PLOD1: variants seen among roughly 807,000 people sequenced by gnomAD.
The protein encoded by PLOD1 is lysine hydroxylase.
Under a neutral mutation model 94.7 loss-of-function variants are expected in PLOD1, and 70 were observed. The ratio of observed to expected loss-of-function variants is 0.74; its 90% CI spans 0.61 to 0.90. The LOEUF is 0.90. Among genes scored for constraint, PLOD1 ranks in the 40% least tolerant of loss-of-function variants. The probability of loss-of-function intolerance (pLI) is 0.00; values close to 1 mark genes in which losing one functional copy is unlikely to be tolerated. For synonymous variants in PLOD1, 417 were observed against 400.2 expected (o/e 1.04, Z -0.50); for missense variants, 905 against 972.7 (o/e 0.93, Z 0.93).
chr1:11,959,992 C>T (rs1457684441), intron 9 of PLOD1, among the ~76,000 whole-genome samples: 8 of 145,070 alleles, frequency 5.5e-5, no homozygotes, highest in African/African-American at 1.3e-4. Context: ...TGCAATGGTG[C>T]GATCTTGGCT....
At chr1:11,954,999 ATT>A in intron 6 of PLOD1, 106 bp downstream of exon 6, 1 of 894,490 alleles carries the variant, frequency 1.1e-6, no homozygotes, top group Non-Finnish European at 1.8e-6. Flanking sequence ...CTTTCTGGCC[ATT>A]GTGCTGAGAG....
chr1:11,965,712 C>T, intron 14 of PLOD1, 119 bp downstream of exon 14: 3 of 670,940 alleles, frequency 4.5e-6, no homozygotes, highest in Non-Finnish European at 8.1e-6. Flanking sequence ...CACCTGCCAC[C>T]CTCCCTTCAC....
intron 4 of PLOD1, among the ~76,000 whole-genome samples, chr1:11,950,934 C>T (rs1645696446): frequency 6.6e-6 from 1 of 152,152 alleles, no homozygotes; most frequent in Non-Finnish European, 1.5e-5. Context: ...ACTGGGATTA[C>T]AGGCATGCAC....
rs1224618142 is a variant in PLOD1, at chr1:11,974,172, G to A, written c.2029-481G>A. Among the ~76,000 whole-genome samples the A allele has an allele frequency of 2.0e-5, 3 of 151,788 alleles. No homozygotes were observed. In the East Asian group the frequency reaches 5.8e-4, roughly 29 times the overall value. ...CTGCCCAGGGCTGCCTGACTCCAAG[G>A]ACAGAGCTCTTGATCACTTACTCTT... On this transcript the variant is annotated intron_variant, in intron 18 of 18. Coordinates refer to ENST00000196061, the MANE Select transcript of PLOD1 (RefSeq NM_000302.4).
Position 11,957,233 on chromosome 1 carries a change from C to G in PLOD1, c.741+219C>G. The G allele has an allele frequency of 1.4e-6, 1 of 736,494 alleles. No individual in the cohort carries two copies. The highest frequency in any genetic ancestry group is 2.6e-6 in the Non-Finnish European group (1 of 391,886). 45.6% of individuals were successfully genotyped at this position (736,494 alleles called of 1,614,324 possible). On this transcript the variant is annotated intron_variant, in intron 7 of 18. Transcript: ENST00000196061. This position sits in a 1 kb window ranked among gnomAD's most constrained non-coding sequence, Gnocchi z 4.1. ...GTCTGTTCTTGCTGGTCACAGGACA[C>G]GTAGGAGGCTGCCATCCCCTTCCAG...
At chr1:11,951,607 TTA>T (rs1210997989) in intron 4 of PLOD1, among the ~76,000 whole-genome samples, 7 of 145,988 alleles carry the variant, frequency 4.8e-5, no homozygotes, top group African/African-American at 7.5e-5. Flanking sequence ...ATTATATATA[TTA>T]TATATAATAA....
chr1:11,936,517 A>G (rs2100731141), intron 1 of PLOD1, among the ~76,000 whole-genome samples: 1 of 151,260 alleles, frequency 6.6e-6, no homozygotes, highest in South Asian at 2.1e-4. Context: ...CATTTATTTT[A>G]TTTTATTTAT....
At chr1:11,960,572 G>A (rs1645770629) in intron 9 of PLOD1, 74 bp from the exon 10 acceptor site, 14 of 1,044,010 alleles carry the variant, frequency 1.3e-5, no homozygotes, top group Admixed American at 8.5e-5. Flanking sequence ...AGTGACAGGA[G>A]GTGCTACAGT....
At chr1:11,964,562 C>A in intron 12 of PLOD1, 82 bp from the exon 13 acceptor site, 1 of 1,408,216 alleles carries the variant, frequency 7.1e-7, no homozygotes, top group Non-Finnish European at 1.0e-6. Flanking sequence ...CAGGCTATGA[C>A]TCCCCACCAC....
intron 6 of PLOD1, 86 bp downstream of exon 6, chr1:11,954,979 T>C (rs953374260): frequency 3.8e-6 from 4 of 1,065,244 alleles, no homozygotes; most frequent in Non-Finnish European, 5.8e-6. Flanking sequence ...GGAGGAGAAA[T>C]GGGCTGCTTC....
rs1271123418 is a variant in PLOD1, at chr1:11,974,946, CAA to C, written c.*140_*141del. On this transcript the variant is annotated 3_prime_UTR_variant, in exon 19 of 19. Transcript: ENST00000196061. ...TCCCATTGCTCTTGGAGCCACCAAT[CAA>C]AGAGATTCAAAGAGATTCCTGCAGG... 3.0e-5 allele frequency: 24 copies of C among 800,164 alleles called. No individual in the cohort carries two copies. Among genetic ancestry groups the C allele is most frequent in the Non-Finnish European group, 4.9e-5 (22 of 451,496 alleles). The allele number at this position is 800,164 out of a possible 1,614,324, so 49.6% of individuals were successfully genotyped here.
In PLOD1 at chr1:11,956,917, A is replaced by AT. The variant is rs1188544525; in HGVS notation, c.645dup (p.Glu216Ter). 1 of 1,609,728 alleles carries AT rather than the reference A, an allele frequency of 6.2e-7. No homozygotes were observed. Among genetic ancestry groups the AT allele is most frequent in the Non-Finnish European group, 8.5e-7 (1 of 1,176,202 alleles). On this transcript the variant is annotated frameshift_variant and splice_region_variant, in exon 7 of 19. Transcript: ENST00000196061. LOFTEE classifies it high-confidence loss of function. ...TGGGACTGTGCTTTCTGACCCCCAGATGAGGTCGTGCTCAAGTTTGAAATG... is the reference window on the plus strand; with the variant it reads ...TGGGACTGTGCTTTCTGACCCCCAGATTGAGGTCGTGCTCAAGTTTGAAATG...
At chr1:11,959,198 T>G (rs1416603252) in intron 9 of PLOD1, among the ~76,000 whole-genome samples, 1 of 151,290 alleles carries the variant, frequency 6.6e-6, no homozygotes, top group African/African-American at 2.4e-5. Flanking sequence ...AGAGCAAAAC[T>G]CCGTCTCAAA....
At chr1:11,964,852 T>C in intron 13 of PLOD1, 67 bp downstream of exon 13, 1 of 1,548,826 alleles carries the variant, frequency 6.5e-7, no homozygotes, top group Non-Finnish European at 8.9e-7. Flanking sequence ...GGCCTCCAGC[T>C]CTGACCCTCA....
Position 11,957,799 on chromosome 1 carries a change from T to C in PLOD1, c.742-43T>C, listed in dbSNP as rs767557623. 1 of 1,357,838 alleles carries C rather than the reference T, an allele frequency of 7.4e-7. No individual in the cohort carries two copies. Among genetic ancestry groups the C allele is most frequent in the Non-Finnish European group, 1.1e-6 (1 of 947,518 alleles). The allele number at this position is 1,357,838 out of a possible 1,614,324, so 84.1% of individuals were successfully genotyped here. A position where few individuals can be genotyped will look rare whatever the true frequency, so the allele number is the denominator to read the frequency against. On this transcript the variant is annotated intron_variant, in intron 7 of 18. Transcript: ENST00000196061. The surrounding 1 kb of genome is among the most constrained non-coding windows in gnomAD (Gnocchi z 4.1). ...AGATGTGAGTCAGGGCTATGGCAGG[T>C]GGGGCTGGCTGGCTTCTCTGTGACC...
chr1:11,964,741 A>G lies in PLOD1; in HGVS notation c.1426A>G (p.Lys476Glu), dbSNP rs1329957756. 6 of 1,613,630 alleles carry G rather than the reference A, an allele frequency of 3.7e-6. No homozygotes were observed. The highest frequency in any genetic ancestry group is 5.1e-6 in the Non-Finnish European group (6 of 1,180,036). Reference protein sequence around the residue: ...LQSSDLFHHSKLDPDMAFCAN... With the variant: ...LQSSDLFHHSELDPDMAFCAN... The stretch of plus-strand genomic sequence containing the variant: ...GTCCTCAGATCTCTTCCACCACAGC[A>G]AGCTGGACCCCGACATGGCCTTCTG... Residue 476 changes from lysine (K) to glutamate (E), a missense_variant, in exon 13 of 19, where the codon AAG (lysine) becomes GAG (glutamate). Physicochemically the swap from Lys to Glu is moderately conservative, Grantham distance 56. Transcript: ENST00000196061.
rs945090014 is a variant in PLOD1, at chr1:11,963,780, G to C, written c.1202+144G>C. ...TCTCCTGCTCCTCTTTCTCCTCCTC[G>C]TCTTCCTCCTTGTCTTCCTCCTCCT... On this transcript the variant is annotated intron_variant, in intron 11 of 18. Coordinates refer to ENST00000196061, the MANE Select transcript of PLOD1 (RefSeq NM_000302.4). The surrounding 1 kb of genome is among the most constrained non-coding windows in gnomAD (Gnocchi z 4.3). 5.0e-5 allele frequency: 35 copies of C among 694,626 alleles called. No individual in the cohort carries two copies. Among genetic ancestry groups the C allele is most frequent in the South Asian group, 5.0e-4 (33 of 66,414 alleles). The allele number at this position is 694,626 out of a possible 1,614,324, so 43.0% of individuals were successfully genotyped here.
At chr1:11,962,984 T>G (rs909077061) in intron 10 of PLOD1, among the ~76,000 whole-genome samples, 2 of 151,940 alleles carry the variant, frequency 1.3e-5, no homozygotes, top group African/African-American at 4.8e-5. Flanking sequence ...GAGGTTGCAG[T>G]GAGCTGAGAT....
Position 11,963,537 on chromosome 1 carries a change from T to C in PLOD1, c.1103T>C (p.Leu368Pro), listed in dbSNP as rs753127125. The C allele has an allele frequency of 1.9e-6, 3 of 1,594,816 alleles. No homozygotes were observed. Among genetic ancestry groups the C allele is most frequent in the Admixed American group, 1.8e-5 (1 of 56,690 alleles). ...CTGTGTCCTCCTCCTTGCAGAGACCTGTGCCGGCAGGACCGCAGCTGCACC... is the reference window on the plus strand; with the variant it reads ...CTGTGTCCTCCTCCTTGCAGAGACCCGTGCCGGCAGGACCGCAGCTGCACC... ...NADARNMGAD[L>P]CRQDRSCTYY... The change falls in exon 11 of 19, where the codon CTG becomes CCG. Residue 368 changes from leucine to proline, a missense_variant. By Grantham distance (98) the Leu-to-Pro change is moderately conservative. Transcript: ENST00000196061. The surrounding 1 kb of genome is among the most constrained non-coding windows in gnomAD (Gnocchi z 4.3).
Sources: gnomAD v4.1 joint callset for allele counts (sites outside exome capture counted in the v4.1 genomes callset) on GRCh38, gnomAD v4.1.1 for gene constraint, Gnocchi (gnomAD v3.1) non-coding constraint, MANE v1.5 for transcripts, NCBI Gene and HGNC (gene_info 2026-07-23, HGNC 2026-07-21) for gene names.